Variants in CCDC192 observed in about 807,000 individuals in gnomAD.
CCDC192 encodes the protein coiled-coil domain-containing protein 192.
chr5:127,786,469 G>T, intron 3 of CCDC192: 1 of 628,650 alleles, frequency 1.6e-6, no homozygotes, highest in South Asian at 1.8e-5. Context: ...TTGTATTGAT[G>T]GTTTCACCAT....
intron 2 of CCDC192, among the ~76,000 whole-genome samples, chr5:127,721,780 T>G (rs989667556): frequency 1.3e-5 from 2 of 152,142 alleles, no homozygotes; most frequent in African/African-American, 4.8e-5. Flanking sequence ...CTCAGGAAAC[T>G]TGCAGTCATG....
At chr5:127,806,519 G>T (rs185001996) in intron 5 of CCDC192, among the ~76,000 whole-genome samples, 1 of 151,996 alleles carries the variant, frequency 6.6e-6, no homozygotes, top group Non-Finnish European at 1.5e-5. Flanking sequence ...AGCTAACCAC[G>T]CATTTCTTCA....
chr5:127,930,934 G>A (rs530972049), intron 6 of CCDC192, among the ~76,000 whole-genome samples: 2 of 152,296 alleles, frequency 1.3e-5, no homozygotes, highest in South Asian at 2.1e-4. Context: ...CCGCACAAAC[G>A]ACCAACACCC....
chr5:127,798,040 T>C, intron 4 of CCDC192, 66 bp from the exon 5 acceptor site: 1 of 396,968 alleles, frequency 2.5e-6, no homozygotes, highest in Non-Finnish European at 4.5e-6. Flanking sequence ...CATTTATGTC[T>C]GTAATACGTT....
At chr5:127,908,655 T>C (rs374491057) in intron 6 of CCDC192, among the ~76,000 whole-genome samples, 4 of 152,260 alleles carry the variant, frequency 2.6e-5, no homozygotes, top group African/African-American at 9.6e-5. Context: ...TATCCTCTGA[T>C]ATGATTTATA....
intron 2 of CCDC192, among the ~76,000 whole-genome samples, chr5:127,717,376 A>G (rs772682309): frequency 2.0e-5 from 3 of 152,058 alleles, no homozygotes; most frequent in Non-Finnish European, 2.9e-5. Context: ...CCCTGCTCCT[A>G]TGAACTATAT....
At chr5:127,919,039 GTATA>G (rs1169140337) in intron 6 of CCDC192, among the ~76,000 whole-genome samples, 1 of 149,114 alleles carries the variant, frequency 6.7e-6, no homozygotes, top group Admixed American at 6.8e-5. Flanking sequence ...ATATATGTGT[GTATA>G]TATCTGTGTG....
intron 5 of CCDC192, among the ~76,000 whole-genome samples, chr5:127,809,129 A>G (rs560915010): frequency 5.3e-5 from 8 of 152,266 alleles, no homozygotes; most frequent in African/African-American, 1.2e-4. Context: ...ACAATTTTAC[A>G]CTGTCATTAA....
At chr5:127,789,029 G>C (rs916622166) in intron 3 of CCDC192, among the ~76,000 whole-genome samples, 8 of 152,124 alleles carry the variant, frequency 5.3e-5, no homozygotes, top group Non-Finnish European at 1.0e-4. Flanking sequence ...ATAGAAAGAG[G>C]GGCCTCACAA....
chr5:127,912,976 T>C (rs112634642), intron 6 of CCDC192, among the ~76,000 whole-genome samples: 1 of 152,170 alleles, frequency 6.6e-6, no homozygotes, highest in East Asian at 1.9e-4. Context: ...AGTCAAACTG[T>C]CCAAAAGCTT....
At chr5:127,876,122 G>T (rs1752068922) in intron 6 of CCDC192, among the ~76,000 whole-genome samples, 1 of 147,322 alleles carries the variant, frequency 6.8e-6, no homozygotes. Context: ...AGCAGAGAAG[G>T]CTGGCTGGAG....
intron 2 of CCDC192, among the ~76,000 whole-genome samples, chr5:127,727,644 G>A (rs1221058866): frequency 6.6e-6 from 1 of 152,126 alleles, no homozygotes; most frequent in Non-Finnish European, 1.5e-5. Context: ...TGCTCCAAAT[G>A]ATCACAACAC....
Position 127,875,593 on chromosome 5 carries a change from A to AGCAAGAGGC in CCDC192, c.467_468insGCAAGAGGC (p.Asn156delinsLysGlnGluAla), listed in dbSNP as rs377634431. Reference sequence around the variant, plus strand: ...CTACAGACTGATTTGGCAACAGCTAATGCCATCACAGTTCTGGAACTCAAT... The same window carrying AGCAAGAGGC: ...CTACAGACTGATTTGGCAACAGCTAAGCAAGAGGCTGCCATCACAGTTCTGGAACTCAAT... On this transcript the variant is annotated protein_altering_variant, in exon 6 of 7. Coordinates refer to ENST00000514853, the MANE Select transcript of CCDC192 (RefSeq NM_001317938.2). The AGCAAGAGGC allele has an allele frequency of 2.4e-3, 946 of 398,846 alleles. 7 individuals are homozygous for AGCAAGAGGC. Among genetic ancestry groups the AGCAAGAGGC allele is most frequent in the African/African-American group, 0.017 (804 of 48,678 alleles). The allele number at this position is 398,846 out of a possible 1,614,324, so 24.7% of individuals were successfully genotyped here. A position where few individuals can be genotyped will look rare whatever the true frequency, so the allele number is the denominator to read the frequency against.
At chr5:127,798,524 GTTC>G (rs1419627240) in intron 5 of CCDC192, among the ~76,000 whole-genome samples, 1 of 152,038 alleles carries the variant, frequency 6.6e-6, no homozygotes, top group Non-Finnish European at 1.5e-5. Context: ...GTCTAGAGCA[GTTC>G]TTCTTAAACT....
intron 2 of CCDC192, among the ~76,000 whole-genome samples, chr5:127,737,688 C>A (rs1753105973): frequency 6.6e-6 from 1 of 151,598 alleles, no homozygotes; most frequent in Non-Finnish European, 1.5e-5. Context: ...TATGTAATGG[C>A]CTTCTTTGTC....
chr5:127,872,800 T>A (rs1274650738), intron 5 of CCDC192, among the ~76,000 whole-genome samples: 1 of 152,194 alleles, frequency 6.6e-6, no homozygotes, highest in Non-Finnish European at 1.5e-5. Flanking sequence ...CTTAGGTAAC[T>A]AAAGTCAACT....
intron 5 of CCDC192, among the ~76,000 whole-genome samples, chr5:127,839,526 A>G (rs1233467710): frequency 6.6e-6 from 1 of 152,234 alleles, no homozygotes; most frequent in Non-Finnish European, 1.5e-5. Context: ...TAAAGTTTTT[A>G]TAATGAATAC....
intron 2 of CCDC192, among the ~76,000 whole-genome samples, chr5:127,730,046 A>G (rs556847851): frequency 2.0e-5 from 3 of 152,300 alleles, no homozygotes; most frequent in Non-Finnish European, 4.4e-5. Context: ...GAAGATAGAG[A>G]CACAAAAAAC....
intron 3 of CCDC192, among the ~76,000 whole-genome samples, chr5:127,755,391 C>T (rs1021942517): frequency 2.0e-5 from 3 of 151,784 alleles, no homozygotes; most frequent in African/African-American, 7.3e-5. Flanking sequence ...ACACAAATGC[C>T]CTTCATTTCT....
Sources: allele counts gnomAD v4.1 joint callset (sites outside exome capture counted in the v4.1 genomes callset), GRCh38; gene constraint gnomAD v4.1.1; transcripts MANE v1.5; gene names NCBI Gene and HGNC (gene_info 2026-07-23, HGNC 2026-07-21).